Variants in GFRA2 observed in about 807,000 individuals in gnomAD.
GFRA2 encodes GDNF family receptor alpha 2, also known as GDNF family receptor alpha-2.
GFRA2 carries 17 observed loss-of-function variants against 48.3 expected under a neutral mutation model. That is an observed-to-expected ratio of 0.35 (90% CI 0.24 to 0.53). The LOEUF (loss-of-function observed/expected upper bound fraction) is 0.53, where lower values mean the gene tolerates loss of function less well. Among genes scored for constraint, GFRA2 ranks in the 20% least tolerant of loss-of-function variants. The probability of loss-of-function intolerance (pLI) is 0.93; values close to 1 mark genes in which losing one functional copy is unlikely to be tolerated. For missense variants in GFRA2, 660 were observed against 637.3 expected (o/e 1.04, Z -0.38); for synonymous variants, 305 against 257.2 (o/e 1.19, Z -1.78).
intron 3 of GFRA2, among the ~76,000 whole-genome samples, chr8:21,754,009 C>T (rs1805428385): frequency 6.6e-6 from 1 of 152,226 alleles, no homozygotes. Flanking sequence ...AACCACTCTC[C>T]TCATCTACTT....
intron 3 of GFRA2, among the ~76,000 whole-genome samples, chr8:21,754,472 C>T (rs946887094): frequency 6.6e-6 from 1 of 151,332 alleles, no homozygotes; most frequent in Non-Finnish European, 1.5e-5. Flanking sequence ...ATTCACCCAA[C>T]ACTTTGTCTG....
intron 3 of GFRA2, among the ~76,000 whole-genome samples, chr8:21,764,988 T>C (rs1045341221): frequency 5.9e-5 from 9 of 152,216 alleles, no homozygotes; most frequent in Admixed American, 1.3e-4. Context: ...GGCAAGATCA[T>C]GGGTGACCTC....
At chr8:21,732,567 G>C (rs1329896184) in intron 4 of GFRA2, among the ~76,000 whole-genome samples, 1 of 152,222 alleles carries the variant, frequency 6.6e-6, no homozygotes, top group Non-Finnish European at 1.5e-5. Context: ...GGATCCACCA[G>C]GGAGCCCCCA....
chr8:21,719,457 A>C (rs1239871396), intron 4 of GFRA2, among the ~76,000 whole-genome samples: 1 of 90,996 alleles, frequency 1.1e-5, no homozygotes, highest in Non-Finnish European at 2.3e-5. Flanking sequence ...AGGAGAAAGA[A>C]TTAAACGTAT....
Position 21,788,542 on chromosome 8 carries a change from G to GGGGAGAAGGGGGA in GFRA2, c.-384_-383insTCCCCCTTCTCCC. On this transcript the variant is annotated 5_prime_UTR_variant, in exon 1 of 9. Coordinates refer to ENST00000524240, the MANE Select transcript of GFRA2 (RefSeq NM_001495.5). ...CTTCCCAGGAGGGGCCTGGGGAGGT[G>GGGGAGAAGGGGGA]GGGAGAGAGGCGATTTGCGAGTGAA... The GGGGAGAAGGGGGA allele has an allele frequency of 9.8e-7, 1 of 1,020,870 alleles. No homozygotes were observed. Among genetic ancestry groups the GGGGAGAAGGGGGA allele is most frequent in the Non-Finnish European group, 1.2e-6 (1 of 853,884 alleles). 63.2% of individuals were successfully genotyped at this position (1,020,870 alleles called of 1,614,324 possible).
intron 3 of GFRA2, chr8:21,769,117 A>G (rs4076283): frequency 0.34 from 325,938 of 946,172 alleles, 57,536 homozygotes; most frequent in African/African-American, 0.47. Context: ...ATGAGTATCT[A>G]CCTGTTGCAC....
chr8:21,705,545 T>A (rs1377208584), intron 5 of GFRA2, among the ~76,000 whole-genome samples: 1 of 152,178 alleles, frequency 6.6e-6, no homozygotes, highest in African/African-American at 2.4e-5. Context: ...CTCTACAGCC[T>A]CAGTTTCCTC....
intron 4 of GFRA2, among the ~76,000 whole-genome samples, chr8:21,711,100 T>A (rs1157251390): frequency 6.6e-6 from 1 of 152,142 alleles, no homozygotes; most frequent in African/African-American, 2.4e-5. Flanking sequence ...CCAAGGCAAA[T>A]GTTATGCTTT....
intron 4 of GFRA2, among the ~76,000 whole-genome samples, chr8:21,734,116 G>A (rs530586598): frequency 2.6e-5 from 4 of 152,318 alleles, no homozygotes; most frequent in South Asian, 2.1e-4. Context: ...AGCCTGCAGC[G>A]TGCAGTGGAC....
Position 21,724,432 on chromosome 8 carries a change from A to G in GFRA2, c.795-18391T>C, listed in dbSNP as rs551909688. Reference sequence around the variant, plus strand: ...TGATATATGCCAATCTGTGGCAGTGAGGAAAGTCGACCAGTGGCATAGCTA... The same window carrying G: ...TGATATATGCCAATCTGTGGCAGTGGGGAAAGTCGACCAGTGGCATAGCTA... On this transcript the variant is annotated intron_variant, in intron 4 of 8. Transcript: ENST00000524240. Among the ~76,000 whole-genome samples, 13 of 152,258 alleles carry G rather than the reference A, an allele frequency of 8.5e-5. 1 individual carries two copies. The highest frequency in any genetic ancestry group is 3.4e-3 in the Middle Eastern group (1 of 294).
intron 4 of GFRA2, among the ~76,000 whole-genome samples, chr8:21,714,243 G>GTTTTTTTTTT (rs1385783305): frequency 2.2e-5 from 1 of 46,042 alleles, no homozygotes. Context: ...CTGGTCTGAA[G>GTTTTTTTTTT]TTCTTTTTTT....
intron 4 of GFRA2, among the ~76,000 whole-genome samples, chr8:21,749,307 C>T (rs1805161298): frequency 2.0e-5 from 3 of 151,634 alleles, no homozygotes; most frequent in Admixed American, 6.6e-5. Flanking sequence ...ATATTCCAGG[C>T]TCTGCGCTAA....
At chr8:21,776,295 A>G (rs1585329701) in intron 2 of GFRA2, among the ~76,000 whole-genome samples, 1 of 151,720 alleles carries the variant, frequency 6.6e-6, no homozygotes, top group Admixed American at 6.6e-5. Context: ...TTTCCGGCAG[A>G]CCCCCAAGAA....
At chr8:21,742,239 G>A (rs1804782776) in intron 4 of GFRA2, among the ~76,000 whole-genome samples, 1 of 152,308 alleles carries the variant, frequency 6.6e-6, no homozygotes, top group East Asian at 1.9e-4. Flanking sequence ...CCTTTGGGAG[G>A]TGATTAGGGT....
intron 3 of GFRA2, among the ~76,000 whole-genome samples, chr8:21,753,715 T>C (rs1048387129): frequency 6.6e-6 from 1 of 152,240 alleles, no homozygotes; most frequent in Admixed American, 6.5e-5. Flanking sequence ...TTTTGATCTA[T>C]GATGTTAAAC....
At chr8:21,754,531 A>G (rs1805466912) in intron 3 of GFRA2, among the ~76,000 whole-genome samples, 1 of 120,528 alleles carries the variant, frequency 8.3e-6, no homozygotes, top group Admixed American at 9.5e-5. Flanking sequence ...TTTTTGAGTC[A>G]GAGTTTTGCT....
chr8:21,787,465 C>T (rs1807339811), intron 1 of GFRA2, among the ~76,000 whole-genome samples: 1 of 152,210 alleles, frequency 6.6e-6, no homozygotes, highest in African/African-American at 2.4e-5. Flanking sequence ...CCTCCGCTCC[C>T]GCCCACCCAT....
At position 21,734,133 on chromosome 8, in the gene GFRA2, G is replaced by C. The variant is rs1166948563; in HGVS notation, c.794+16455C>G. Among the ~76,000 whole-genome samples the C allele has an allele frequency of 3.9e-5, 6 of 152,364 alleles. No homozygotes were observed. The East Asian group carries it at 1.2e-3, about 29-fold the overall frequency. On this transcript the variant is annotated intron_variant, in intron 4 of 8. Coordinates refer to ENST00000524240, the MANE Select transcript of GFRA2 (RefSeq NM_001495.5). ...CCTGCAGCGTGCAGTGGACCGGCCT[G>C]GCTTCTGGAAGAAGCAGAGGGGCTT...
intron 8 of GFRA2, among the ~76,000 whole-genome samples, chr8:21,694,063 A>ATT (rs1282599211): frequency 1.7e-5 from 2 of 115,632 alleles, no homozygotes; most frequent in African/African-American, 4.0e-5. Flanking sequence ...ATTTATATAT[A>ATT]TATTTATTTA....
Sources: gnomAD v4.1 joint callset for allele counts (sites outside exome capture counted in the v4.1 genomes callset) on GRCh38, gnomAD v4.1.1 for gene constraint, MANE v1.5 for transcripts, NCBI Gene and HGNC (gene_info 2026-07-23, HGNC 2026-07-21) for gene names.